ASPH: variants seen among roughly 807,000 people sequenced by gnomAD.
ASPH encodes the protein aspartate beta-hydroxylase, also known as aspartyl/asparaginyl beta-hydroxylase.
In ASPH, 100 loss-of-function variants were observed where a neutral mutation model predicts 118.4. The observed-to-expected ratio is 0.84, with a 90% CI of 0.72 to 1.00. ASPH has a LOEUF of 1.00. ASPH is among the 50% of genes least tolerant of loss of function. The pLI is 0.00. For synonymous variants in ASPH, 315 were observed against 325.6 expected (o/e 0.97, Z 0.35); for missense variants, 920 against 919.5 (o/e 1.00, Z -0.01).
chr8:61,699,917 A>C (rs1016741288), intron 1 of ASPH, among the ~76,000 whole-genome samples: 2 of 152,216 alleles, frequency 1.3e-5, no homozygotes, highest in Non-Finnish European at 2.9e-5. Flanking sequence ...GAACTGGGGA[A>C]TGACGGCTAC....
At chr8:61,626,849 T>G (rs1057508899) in intron 13 of ASPH, among the ~76,000 whole-genome samples, 4 of 152,090 alleles carry the variant, frequency 2.6e-5, no homozygotes, top group African/African-American at 9.6e-5. Flanking sequence ...TTACAATTTT[T>G]TTTTTCATTC....
chr8:61,549,500 T>G (rs929736881), intron 20 of ASPH, among the ~76,000 whole-genome samples: 3 of 152,240 alleles, frequency 2.0e-5, no homozygotes, highest in Non-Finnish European at 4.4e-5. Context: ...TCTTTTTTAT[T>G]AATATCTGAA....
chr8:61,546,031 T>C (rs940413048), intron 21 of ASPH, among the ~76,000 whole-genome samples: 1 of 152,224 alleles, frequency 6.6e-6, no homozygotes, highest in Non-Finnish European at 1.5e-5. Context: ...TGAGTGCCCA[T>C]GAGACATGGT....
chr8:61,644,114 A>G lies in ASPH; in HGVS notation c.653-113T>C, dbSNP rs191112580. On this transcript the variant is annotated intron_variant, in intron 7 of 24. Coordinates refer to ENST00000379454, the MANE Select transcript of ASPH (RefSeq NM_004318.4). ...TGATTGAAATGCAAAATCAAGTCAT[A>G]ATGATATTCAAACATGTTCACTCCT... 366 of 822,836 alleles carry G rather than the reference A, an allele frequency of 4.4e-4. 1 individual carries two copies. In the African/African-American group the frequency reaches 5.4e-3, roughly 12 times the overall value. The allele number at this position is 822,836 out of a possible 1,614,324, so 51.0% of individuals were successfully genotyped here. A position where few individuals can be genotyped will look rare whatever the true frequency, so the allele number is the denominator to read the frequency against.
At chr8:61,613,605 C>T (rs1264684427) in intron 14 of ASPH, among the ~76,000 whole-genome samples, 1 of 152,126 alleles carries the variant, frequency 6.6e-6, no homozygotes, top group Non-Finnish European at 1.5e-5. Flanking sequence ...AAAAGAGAAA[C>T]ACACTTTCTG....
At chr8:61,579,740 T>C (rs985628816) in intron 15 of ASPH, 6 of 885,244 alleles carry the variant, frequency 6.8e-6, no homozygotes, top group African/African-American at 6.5e-5. Flanking sequence ...GAGGCCACTA[T>C]TCAGGGTAGC....
intron 14 of ASPH, among the ~76,000 whole-genome samples, chr8:61,594,505 C>A (rs1842009726): frequency 6.6e-6 from 1 of 152,194 alleles, no homozygotes; most frequent in Admixed American, 6.5e-5. Flanking sequence ...TGCAACATCT[C>A]AGCTACATGT....
intron 15 of ASPH, among the ~76,000 whole-genome samples, chr8:61,577,675 T>C (rs558467288): frequency 1.2e-3 from 189 of 152,284 alleles, no homozygotes; most frequent in African/African-American, 4.4e-3. Flanking sequence ...AGGACCCTCC[T>C]GACATGGTGG....
Position 61,502,436 on chromosome 8 carries a change from T to G in ASPH, c.*923A>C, listed in dbSNP as rs1427467994. On this transcript the variant is annotated 3_prime_UTR_variant, in exon 25 of 25. Coordinates refer to ENST00000379454, the MANE Select transcript of ASPH (RefSeq NM_004318.4). ...GGCAAAGACACTGTGTTCCCAGCCC[T>G]TGCCTCATGGATGGCAAAGCCGCCA... The G allele has an allele frequency of 2.6e-5, 4 of 152,174 alleles. No individual in the cohort carries two copies. The allele number at this position is 152,174 out of a possible 1,614,324, so 9.4% of individuals were successfully genotyped here.
At chr8:61,579,326 G>T in intron 15 of ASPH, 1 of 1,614,222 alleles carries the variant, frequency 6.2e-7, no homozygotes, top group South Asian at 1.1e-5. Context: ...ACATGGCACG[G>T]CAGCTGCGTG....
chr8:61,526,811 C>T (rs982418741), intron 21 of ASPH, among the ~76,000 whole-genome samples: 1 of 151,982 alleles, frequency 6.6e-6, no homozygotes, highest in African/African-American at 2.4e-5. Context: ...GGGCAATCTG[C>T]ACCATCACAC....
intron 18 of ASPH, among the ~76,000 whole-genome samples, chr8:61,561,918 C>T (rs7839203): frequency 0.81 from 123,014 of 152,144 alleles, 50,084 homozygotes; most frequent in Non-Finnish European, 0.85. Flanking sequence ...CAGAGTGAGA[C>T]CACGTGTCAA....
At chr8:61,631,324 CAG>C (rs1438859993) in intron 13 of ASPH, among the ~76,000 whole-genome samples, 1 of 152,208 alleles carries the variant, frequency 6.6e-6, no homozygotes, top group Non-Finnish European at 1.5e-5. Flanking sequence ...CTGATTCACT[CAG>C]AGCAAATTCC....
intron 21 of ASPH, among the ~76,000 whole-genome samples, chr8:61,529,487 C>T (rs17201219): frequency 0.088 from 13,407 of 152,166 alleles, 678 homozygotes; most frequent in Non-Finnish European, 0.12. Context: ...TGTTTGAAGG[C>T]GTTTTCCAAC....
At position 61,684,324 on chromosome 8, in the gene ASPH, C is replaced by T. The variant is rs570840807; in HGVS notation, c.104-136G>A. On this transcript the variant is annotated intron_variant, in intron 1 of 24. Coordinates refer to ENST00000379454, the MANE Select transcript of ASPH (RefSeq NM_004318.4). The stretch of plus-strand genomic sequence containing the variant: ...CAAAAACAGTTTCCAGTTAAATTCT[C>T]AAAACACGTCACACAAAATATTTCT... 4.3e-5 allele frequency: 38 copies of T among 878,220 alleles called. No homozygotes were observed. In the African/African-American group the frequency reaches 6.2e-4, roughly 14 times the overall value. 54.4% of individuals were successfully genotyped at this position (878,220 alleles called of 1,614,324 possible).
At chr8:61,692,820 T>C (rs1832942926) in intron 1 of ASPH, among the ~76,000 whole-genome samples, 2 of 152,080 alleles carry the variant, frequency 1.3e-5, no homozygotes. Context: ...TGATCTGATG[T>C]TGCTGGTCTA....
chr8:61,585,274 A>C (rs1250011909), intron 14 of ASPH, among the ~76,000 whole-genome samples: 1 of 152,182 alleles, frequency 6.6e-6, no homozygotes, highest in Non-Finnish European at 1.5e-5. Flanking sequence ...TGCAGAGTGG[A>C]TGGATGCAGA....
chr8:61,589,325 AC>A (rs1399150922), intron 14 of ASPH, among the ~76,000 whole-genome samples: 2 of 152,212 alleles, frequency 1.3e-5, no homozygotes, highest in East Asian at 3.8e-4. Flanking sequence ...GAAGACTCTT[AC>A]TGTGTAGGTG....
chr8:61,661,315 T>G (rs930122363), intron 3 of ASPH: 1 of 152,232 alleles, frequency 6.6e-6, no homozygotes, highest in African/African-American at 2.4e-5. Flanking sequence ...TGGTTGAGTA[T>G]TACTATTCTT....
Sources: allele counts gnomAD v4.1 joint callset (sites outside exome capture counted in the v4.1 genomes callset), GRCh38; gene constraint gnomAD v4.1.1; transcripts MANE v1.5; gene names NCBI Gene and HGNC (gene_info 2026-07-23, HGNC 2026-07-21).